The following ATP6V1C2 variants were observed in gnomAD, a reference collection of about 807,000 sequenced individuals.
ATP6V1C2 encodes the protein V-type proton ATPase subunit C 2.
In ATP6V1C2, 45 loss-of-function variants were observed where a neutral mutation model predicts 56.8. The observed-to-expected ratio is 0.79, with a 90% confidence interval of 0.62 to 1.02. ATP6V1C2 has a LOEUF of 1.02. Ranked by LOEUF, ATP6V1C2 falls within the 50% of genes least tolerant of loss-of-function variation. The pLI is 0.00. For synonymous variants in ATP6V1C2, 220 were observed against 201.3 expected, an observed-to-expected ratio of 1.09 and a Z score of -0.79; for missense variants, 463 against 519.7, an observed-to-expected ratio of 0.89 and a Z score of 1.06.
At chr2:10,749,916 AGT>A (rs1405570586) in intron 3 of ATP6V1C2, among the ~76,000 whole-genome samples, 4 of 152,222 alleles carry the variant, frequency 2.6e-5, no homozygotes, top group Non-Finnish European at 5.9e-5. Context: ...AATACAGTAC[AGT>A]AAATGAAAGG....
At chr2:10,743,237 C>A (rs1313463922) in intron 3 of ATP6V1C2, among the ~76,000 whole-genome samples, 1 of 151,592 alleles carries the variant, frequency 6.6e-6, no homozygotes, top group African/African-American at 2.4e-5. Context: ...TACAGGCACA[C>A]CCCACTACCC....
intron 10 of ATP6V1C2, among the ~76,000 whole-genome samples, chr2:10,776,115 GC>G (rs35196043): frequency 0.32 from 48,579 of 151,994 alleles, 8,049 homozygotes; most frequent in Middle Eastern, 0.45. Flanking sequence ...TCACAAGCGA[GC>G]CCAGCCACGG....
chr2:10,743,846 A>G (rs189370565), intron 3 of ATP6V1C2, among the ~76,000 whole-genome samples: 155 of 152,054 alleles, frequency 1.0e-3, no homozygotes, highest in Middle Eastern at 6.8e-3. Flanking sequence ...TTAGCCAGGC[A>G]TGATGGCGGG....
chr2:10,784,556 G>T lies in ATP6V1C2; in HGVS notation c.*1293G>T. On this transcript the variant is annotated 3_prime_UTR_variant, in exon 14 of 14. Coordinates refer to ENST00000272238, the MANE Select transcript of ATP6V1C2 (RefSeq NM_001039362.2). ...ATCACTCACCATTTTAACACTGGAA[G>T]CCACTTGAACGTGTCCTTTTGAGGA... 2.1e-6 allele frequency: 1 copy of T among 483,130 alleles called. No homozygotes were observed. 29.9% of individuals were successfully genotyped at this position (483,130 alleles called of 1,614,324 possible).
At position 10,784,350 on chromosome 2, in the gene ATP6V1C2, G is replaced by A; in HGVS notation, c.*1087G>A. The A allele has an allele frequency of 4.4e-6, 7 of 1,600,628 alleles. No individual in the cohort carries two copies. The highest frequency in any genetic ancestry group is 5.1e-6 in the Non-Finnish European group (6 of 1,170,616). On this transcript the variant is annotated 3_prime_UTR_variant, in exon 14 of 14. Transcript: ENST00000272238. ...AGCTGGGAGACGACAGAAAGCCACT[G>A]TTAGATCTGCAGAAGGGGACACCCT... is the stretch of plus-strand genomic sequence containing the variant.
rs1037066317 is a variant in ATP6V1C2, at chr2:10,777,626, C to T, written c.867C>T (p.Phe289=). 1.2e-6 allele frequency: 2 copies of T among 1,614,152 alleles called. No homozygotes were observed. ...CTCTTAAAAAGGGATCATCCACCTT[C>T]CCGGACCACAAGGTTAAGGTAACCC... ...CVALKKGSST[F]PDHKVKVTPL... is the part of the protein sequence containing the mutation. Residue 289 remains phenylalanine (F), a synonymous_variant, in exon 11 of 14, where the codon TTC becomes TTT. Coordinates refer to ENST00000272238, the MANE Select transcript of ATP6V1C2 (RefSeq NM_001039362.2).
chr2:10,746,215 T>G (rs779325192), intron 3 of ATP6V1C2, among the ~76,000 whole-genome samples: 3 of 152,026 alleles, frequency 2.0e-5, no homozygotes, highest in Non-Finnish European at 2.9e-5. Flanking sequence ...GGCCAGGCTG[T>G]TCTCAAACTC....
intron 3 of ATP6V1C2, among the ~76,000 whole-genome samples, chr2:10,746,599 A>T (rs1662929612): frequency 6.6e-6 from 1 of 151,864 alleles, no homozygotes; most frequent in Non-Finnish European, 1.5e-5. Flanking sequence ...TTTTAGTGAG[A>T]TGTGGTTTCA....
intron 3 of ATP6V1C2, among the ~76,000 whole-genome samples, chr2:10,740,697 A>C (rs943777711): frequency 1.3e-5 from 2 of 151,982 alleles, no homozygotes; most frequent in African/African-American, 4.8e-5. Flanking sequence ...TTTCTTTTTC[A>C]TTTTTTGAGA....
rs557241938 is a variant in ATP6V1C2 at position 10,763,667 on chromosome 2, G to A, written c.284-664G>A. ...TTTCCCGCTCTTCCATAGACCCGGC[G>A]TATTAAAAGAGGTCAGGTCCTGGGG... On this transcript the variant is annotated intron_variant, in intron 4 of 13. Coordinates refer to ENST00000272238, the MANE Select transcript of ATP6V1C2 (RefSeq NM_001039362.2). This position sits in a 1 kb window ranked among gnomAD's most constrained non-coding sequence, Gnocchi z 4.2. Among the ~76,000 whole-genome samples the A allele has an allele frequency of 4.7e-4, 72 of 152,318 alleles. No individual in the cohort carries two copies. The highest frequency in any genetic ancestry group is 8.2e-4 in the Non-Finnish European group (56 of 68,026).
At chr2:10,759,142 CGGTCAGACCT>C in intron 4 of ATP6V1C2, among the ~76,000 whole-genome samples, 1 of 152,322 alleles carries the variant, frequency 6.6e-6, no homozygotes, top group Admixed American at 6.5e-5. Context: ...TGCCTGCAGC[CGGTCAGACCT>C]GGTCCAAAAG....
chr2:10,760,101 C>T (rs538401036), intron 4 of ATP6V1C2, among the ~76,000 whole-genome samples: 38 of 149,846 alleles, frequency 2.5e-4, no homozygotes, highest in African/African-American at 8.1e-4. Flanking sequence ...TGGCTGGTCA[C>T]GGTGGCTCAT....
intron 13 of ATP6V1C2, 98 bp downstream of exon 13, chr2:10,782,473 G>A: frequency 7.2e-7 from 1 of 1,396,012 alleles, no homozygotes; most frequent in Non-Finnish European, 9.8e-7. Flanking sequence ...TGGGAGGTAG[G>A]TGGATCACTT....
At chr2:10,774,500 G>T (rs1429441699) in intron 8 of ATP6V1C2, among the ~76,000 whole-genome samples, 1 of 152,226 alleles carries the variant, frequency 6.6e-6, no homozygotes, top group Non-Finnish European at 1.5e-5. Context: ...CGGAGGCCCA[G>T]GAGGGCTTGG....
chr2:10,782,869 C>A (rs1665468616), intron 13 of ATP6V1C2, among the ~76,000 whole-genome samples: 1 of 136,782 alleles, frequency 7.3e-6, no homozygotes, highest in Admixed American at 7.4e-5. Context: ...AAAAATTTGC[C>A]AGGAGTGGTG....
intron 5 of ATP6V1C2, among the ~76,000 whole-genome samples, chr2:10,767,050 GA>G (rs1335630541): frequency 6.6e-6 from 1 of 150,900 alleles, no homozygotes; most frequent in East Asian, 1.9e-4. Context: ...ATTATAAAAA[GA>G]TGCATTTTAT....
chr2:10,767,850 A>G (rs1664331205), intron 5 of ATP6V1C2: 2 of 152,138 alleles, frequency 1.3e-5, no homozygotes, highest in South Asian at 4.2e-4. Context: ...TTATCTTTAA[A>G]ATAATAATAT....
At chr2:10,741,791 G>C (rs192619654) in intron 3 of ATP6V1C2, among the ~76,000 whole-genome samples, 3 of 152,076 alleles carry the variant, frequency 2.0e-5, no homozygotes, top group African/African-American at 7.2e-5. Flanking sequence ...TGGTTTTCTG[G>C]GGGCAAAGAG....
intron 5 of ATP6V1C2, among the ~76,000 whole-genome samples, chr2:10,764,701 G>A (rs184190144): frequency 1.6e-3 from 244 of 152,362 alleles, no homozygotes; most frequent in Admixed American, 4.0e-3. Context: ...GCCGGGCACG[G>A]TGGCTTACGC....
Sources: gnomAD v4.1 joint callset for allele counts (sites outside exome capture counted in the v4.1 genomes callset) on GRCh38, gnomAD v4.1.1 for gene constraint, Gnocchi (gnomAD v3.1) non-coding constraint, MANE v1.5 for transcripts, NCBI Gene and HGNC (gene_info 2026-07-23, HGNC 2026-07-21) for gene names.